FMNL3: variants seen among roughly 807,000 people sequenced by gnomAD.
The protein encoded by FMNL3 is formin like 3, also known as formin-like protein 3.
In FMNL3, 57 loss-of-function variants were observed where a neutral mutation model predicts 119.6. The observed-to-expected ratio is 0.48, with a 90% CI of 0.39 to 0.59. The LOEUF is 0.59. Ranked by LOEUF, FMNL3 falls within the 20% of genes least tolerant of loss-of-function variation. The pLI is 0.00. For missense variants in FMNL3, 1,053 were observed against 1,323.5 expected, an observed-to-expected ratio of 0.80 and a Z score of 3.17; for synonymous variants, 491 against 507.3, an observed-to-expected ratio of 0.97 and a Z score of 0.43.
chr12:49,707,089 G>T lies in FMNL3; in HGVS notation c.92C>A (p.Pro31His). 1 of 1,599,146 alleles carries T rather than the reference G, an allele frequency of 6.3e-7. No homozygotes were observed. The change falls in exon 1 of 26, where the codon CCC (proline) becomes CAC (histidine). Residue 31 changes from proline (P) to histidine (H), a missense_variant. By Grantham distance (77) the Pro-to-His change is moderately conservative. Transcript: ENST00000335154. ...LPPGKMPMPE[P>H]CELEERFALV... Reference sequence around the variant, plus strand: ...GGCGAACCTTTCCTCCAGCTCACAGGGCTCAGGCATCGGCATCTTGCCGGG... The same window carrying T: ...GGCGAACCTTTCCTCCAGCTCACAGTGCTCAGGCATCGGCATCTTGCCGGG...
chr12:49,650,003 T>G, intron 17 of FMNL3, 78 bp from the exon 18 acceptor site: 7 of 1,280,470 alleles, frequency 5.5e-6, no homozygotes, highest in Non-Finnish European at 7.6e-6. Context: ...TCCAAGCTCC[T>G]AGAAGAACTG....
chr12:49,654,156 A>G (rs1416543507), intron 11 of FMNL3, 36 bp downstream of exon 11: 1 of 1,577,790 alleles, frequency 6.3e-7, no homozygotes, highest in Non-Finnish European at 8.7e-7. Flanking sequence ...ACTGATCCCA[A>G]AGCACCTCAC....
Position 49,647,736 on chromosome 12 carries a change from G to A in FMNL3, c.2745C>T (p.Phe915=), listed in dbSNP as rs754245090. The change falls in exon 23 of 26, where the codon TTC becomes TTT. Residue 915 remains phenylalanine, a synonymous_variant. Transcript: ENST00000335154. The surrounding 1 kb of genome is among the most constrained non-coding windows in gnomAD (Gnocchi z 4.9). ...SPKTTPPSVF[F]PVFVRFIRSY... ...AACGAATGAATCGGACAAATACTGGGAAGAATACAGAAGGAGGTGTAGTCT... is the reference window on the plus strand; with the variant it reads ...AACGAATGAATCGGACAAATACTGGAAAGAATACAGAAGGAGGTGTAGTCT... 1 of 1,614,174 alleles carries A rather than the reference G, an allele frequency of 6.2e-7. No individual in the cohort carries two copies. The highest frequency in any genetic ancestry group is 1.1e-5 in the South Asian group (1 of 91,084).
At chr12:49,659,712 C>T in intron 5 of FMNL3, 8 of 952,432 alleles carry the variant, frequency 8.4e-6, no homozygotes, top group Non-Finnish European at 1.0e-5. Flanking sequence ...CTGCACCCAG[C>T]GACCGTCAGC....
Position 49,639,844 on chromosome 12 carries a change from T to C in FMNL3, c.*5971A>G, listed in dbSNP as rs1383977288. The C allele has an allele frequency of 2.0e-5, 3 of 152,178 alleles. No individual in the cohort carries two copies. The highest frequency in any genetic ancestry group is 4.4e-5 in the Non-Finnish European group (3 of 68,028). The allele number at this position is 152,178 out of a possible 1,614,324, so 9.4% of individuals were successfully genotyped here. A position where few individuals can be genotyped will look rare whatever the true frequency, so the allele number is the denominator to read the frequency against. ...ACAAGAAGAGCAAGGCTGTAGAAAA[T>C]AGGAATTCTATTTGGGGAATTACTC... is the stretch of plus-strand genomic sequence containing the variant. On this transcript the variant is annotated 3_prime_UTR_variant, in exon 26 of 26. Transcript: ENST00000335154.
chr12:49,650,747 A>G lies in FMNL3; in HGVS notation c.1929T>C (p.Arg643=). 1 of 1,614,208 alleles carries G rather than the reference A, an allele frequency of 6.2e-7. No homozygotes were observed. The highest frequency in any genetic ancestry group is 8.5e-7 in the Non-Finnish European group (1 of 1,180,042). ...GTAGGGTGATGGCCAGGTTCTTGGC[A>G]CGATTGGCTTCCAACAGAGTCACCT... is the stretch of plus-strand genomic sequence containing the variant. ...ASKVTLLEAN[R]AKNLAITLRK... is the part of the protein sequence containing the mutation. Residue 643 remains arginine (R), a synonymous_variant, in exon 17 of 26, where the codon CGT becomes CGC. Coordinates refer to ENST00000335154, the MANE Select transcript of FMNL3 (RefSeq NM_175736.5).
In FMNL3 at chr12:49,706,309, C is replaced by A. The variant is rs1006300459; in HGVS notation, c.126+746G>T. ...AAACCCACAGAAAGACTAAAAAGCACAGGCTAAACAACACAAACCAGTCAC... is the reference window on the plus strand; with the variant it reads ...AAACCCACAGAAAGACTAAAAAGCAAAGGCTAAACAACACAAACCAGTCAC... On this transcript the variant is annotated intron_variant, in intron 1 of 25. Transcript: ENST00000335154. Among the ~76,000 whole-genome samples, 3 of 152,146 alleles carry A rather than the reference C, an allele frequency of 2.0e-5. No homozygotes were observed. In the East Asian group the frequency reaches 5.8e-4, roughly 29 times the overall value.
intron 16 of FMNL3, 100 bp downstream of exon 16, chr12:49,651,068 C>T: frequency 1.3e-6 from 2 of 1,553,280 alleles, no homozygotes; most frequent in African/African-American, 1.4e-5. Flanking sequence ...TAAGCCTGGC[C>T]TCACCCTGTC....
rs1942372478 is a variant in FMNL3 at position 49,639,896 on chromosome 12, A to G, written c.*5919T>C. Reference sequence around the variant, plus strand: ...CAAAGCAAATATATTTTAAAACAGAATAATCGTATAAAGTAGAAATGCCTT... The same window carrying G: ...CAAAGCAAATATATTTTAAAACAGAGTAATCGTATAAAGTAGAAATGCCTT... On this transcript the variant is annotated 3_prime_UTR_variant, in exon 26 of 26. Transcript: ENST00000335154. 1 of 152,232 alleles carries G rather than the reference A, an allele frequency of 6.6e-6. No individual in the cohort carries two copies. 9.4% of individuals were successfully genotyped at this position (152,232 alleles called of 1,614,324 possible).
At chr12:49,652,670 A>G (rs1943441564) in intron 13 of FMNL3, among the ~76,000 whole-genome samples, 1 of 152,214 alleles carries the variant, frequency 6.6e-6, no homozygotes. Flanking sequence ...CTCCCAATAC[A>G]ATGCTCAGCA....
intron 1 of FMNL3, among the ~76,000 whole-genome samples, chr12:49,706,551 CCT>C (rs1284171368): frequency 6.6e-6 from 1 of 152,202 alleles, no homozygotes; most frequent in African/African-American, 2.4e-5. Flanking sequence ...TCCCCATCCC[CCT>C]CTCCCCCCAA....
chr12:49,637,034 C>A lies in FMNL3; in HGVS notation c.*8781G>T. On this transcript the variant is annotated 3_prime_UTR_variant, in exon 26 of 26. Coordinates refer to ENST00000335154, the MANE Select transcript of FMNL3 (RefSeq NM_175736.5). ...TGTACCTCCTCAATTCTGGACTGTG[C>A]TCTTCTAGGGAGACTAGATGTATGC... 1.1e-6 allele frequency: 1 copy of A among 897,490 alleles called. No individual in the cohort carries two copies. Among genetic ancestry groups the A allele is most frequent in the African/African-American group, 1.7e-5 (1 of 59,784 alleles). 55.6% of individuals were successfully genotyped at this position (897,490 alleles called of 1,614,324 possible).
At chr12:49,698,367 T>C (rs935858862) in intron 1 of FMNL3, among the ~76,000 whole-genome samples, 3 of 152,184 alleles carry the variant, frequency 2.0e-5, no homozygotes, top group Non-Finnish European at 4.4e-5. Flanking sequence ...AAACTTGTCC[T>C]CTACTGGCAA....
intron 1 of FMNL3, among the ~76,000 whole-genome samples, chr12:49,671,585 G>A (rs981406057): frequency 6.6e-6 from 1 of 152,216 alleles, no homozygotes; most frequent in Non-Finnish European, 1.5e-5. Flanking sequence ...TGCTAGACAA[G>A]GGCATCAGGG....
chr12:49,643,201 A>G lies in FMNL3; in HGVS notation c.*2614T>C, dbSNP rs369382252. 12 of 1,613,484 alleles carry G rather than the reference A, an allele frequency of 7.4e-6. No homozygotes were observed. The highest frequency in any genetic ancestry group is 1.0e-5 in the Non-Finnish European group (12 of 1,179,796). ...GAGGGCAGAGAACCTCTGCACTGAC[A>G]TGTATCTGCTGATCTGCCCAGGGCT... On this transcript the variant is annotated 3_prime_UTR_variant, in exon 26 of 26. Transcript: ENST00000335154.
Position 49,637,423 on chromosome 12 carries a change from C to G in FMNL3, c.*8392G>C. On this transcript the variant is annotated 3_prime_UTR_variant, in exon 26 of 26. Transcript: ENST00000335154. The stretch of plus-strand genomic sequence containing the variant: ...CTCTCTTCCCCCTCAGTCTGTGGCT[C>G]TGCCTCCCTGTCTCACTCTCCCTAT... The G allele has an allele frequency of 2.9e-6, 4 of 1,360,680 alleles. 1 individual carries two copies. The highest frequency in any genetic ancestry group is 4.2e-6 in the Non-Finnish European group (4 of 956,300). The allele number at this position is 1,360,680 out of a possible 1,614,324, so 84.3% of individuals were successfully genotyped here. A position where few individuals can be genotyped will look rare whatever the true frequency, so the allele number is the denominator to read the frequency against.
At chr12:49,697,211 T>C (rs1565898770) in intron 1 of FMNL3, among the ~76,000 whole-genome samples, 1 of 152,172 alleles carries the variant, frequency 6.6e-6, no homozygotes, top group Non-Finnish European at 1.5e-5. Flanking sequence ...AACTGCCACT[T>C]GATGAGTTTT....
In FMNL3 at chr12:49,641,679, T is replaced by G; in HGVS notation, c.*4136A>C. On this transcript the variant is annotated 3_prime_UTR_variant, in exon 26 of 26. Transcript: ENST00000335154. ...AGCATTAATCAGCAGTTGGGAGACA[T>G]CTCCCAACCCCTTCAGCTCTGTGTG... The G allele has an allele frequency of 1.9e-6, 1 of 522,622 alleles. No homozygotes were observed. Among genetic ancestry groups the G allele is most frequent in the Non-Finnish European group, 3.4e-6 (1 of 295,350 alleles). The allele number at this position is 522,622 out of a possible 1,614,324, so 32.4% of individuals were successfully genotyped here.
At position 49,639,356 on chromosome 12, in the gene FMNL3, T is replaced by G. The variant is rs1382356018; in HGVS notation, c.*6459A>C. 1 of 152,190 alleles carries G rather than the reference T, an allele frequency of 6.6e-6. No individual in the cohort carries two copies. Among genetic ancestry groups the G allele is most frequent in the Non-Finnish European group, 1.5e-5 (1 of 68,050 alleles). 9.4% of individuals were successfully genotyped at this position (152,190 alleles called of 1,614,324 possible). A position where few individuals can be genotyped will look rare whatever the true frequency, so the allele number is the denominator to read the frequency against. On this transcript the variant is annotated 3_prime_UTR_variant, in exon 26 of 26. Coordinates refer to ENST00000335154, the MANE Select transcript of FMNL3 (RefSeq NM_175736.5). ...CTGTTGGGGCTACTTGGTACAAAAGTCCAAGAAGCACTAGATGCTAGGAGC... is the reference window on the plus strand; with the variant it reads ...CTGTTGGGGCTACTTGGTACAAAAGGCCAAGAAGCACTAGATGCTAGGAGC...
Sources: gnomAD v4.1 joint callset for allele counts (sites outside exome capture counted in the v4.1 genomes callset) on GRCh38, gnomAD v4.1.1 for gene constraint, Gnocchi (gnomAD v3.1) non-coding constraint, MANE v1.5 for transcripts, NCBI Gene and HGNC (gene_info 2026-07-23, HGNC 2026-07-21) for gene names.